Variants in TENM3 observed in about 807,000 individuals in gnomAD.
TENM3 encodes teneurin transmembrane protein 3.
A neutral mutation model predicts 255.1 loss-of-function variants in TENM3; 63 were observed. The observed-to-expected ratio is 0.25, with a 90% CI of 0.20 to 0.30. TENM3 has a LOEUF of 0.30. Ranked by LOEUF, TENM3 falls within the 10% of genes least tolerant of loss-of-function variation. TENM3 has a pLI of 1.00. For missense variants in TENM3, 2,929 were observed against 3,461.1 expected (o/e 0.85, Z 3.86); for synonymous variants, 1,306 against 1,322.3 (o/e 0.99, Z 0.27).
the TENM3 span, among the ~76,000 whole-genome samples, chr4:181,655,143 A>T: frequency 6.6e-6 from 1 of 152,226 alleles, no homozygotes; most frequent in South Asian, 2.1e-4. Flanking sequence ...AATCATCCAA[A>T]TAAGAGAAGG....
At chr4:182,522,180 T>C (rs1399792624) in intron 3 of TENM3, among the ~76,000 whole-genome samples, 1 of 152,232 alleles carries the variant, frequency 6.6e-6, no homozygotes, top group Admixed American at 6.5e-5. Context: ...TTTTTCTTTG[T>C]GTTGGGAACA....
the TENM3 span, among the ~76,000 whole-genome samples, chr4:182,042,643 T>C: frequency 6.6e-6 from 1 of 152,206 alleles, no homozygotes; most frequent in Admixed American, 6.5e-5. Flanking sequence ...AATACGAATA[T>C]GTAGGAATGT....
intron 1 of TENM3, among the ~76,000 whole-genome samples, chr4:182,277,948 C>T (rs549778915): frequency 6.6e-6 from 1 of 152,338 alleles, no homozygotes; most frequent in East Asian, 1.9e-4. Flanking sequence ...GTGGGACCCA[C>T]TCCCTACCGC....
chr4:182,736,945 T>A lies in TENM3; in HGVS notation c.3105T>A (p.His1035Gln). The change falls in exon 17 of 28, where the codon CAT becomes CAA. Residue 1035 changes from histidine (H) to glutamine (Q), a missense_variant. Physicochemically the swap from His to Gln is conservative, Grantham distance 24. Transcript: ENST00000511685. ...SIIPFNLMKV[H>Q]LMVAVVGRLF... ...TTCCATTTAATTTAATGAAGGTTCA[T>A]CTTATGGTAGCTGTAGTAGGAAGAC... The A allele has an allele frequency of 6.2e-7, 1 of 1,613,916 alleles. No homozygotes were observed. The highest frequency in any genetic ancestry group is 8.5e-7 in the Non-Finnish European group (1 of 1,179,844).
chr4:181,953,080 C>T, the TENM3 span, among the ~76,000 whole-genome samples: 1 of 152,200 alleles, frequency 6.6e-6, no homozygotes. Context: ...TATACAAGAA[C>T]ACTGAAGTGT....
intron 1 of TENM3, among the ~76,000 whole-genome samples, chr4:182,271,440 T>C (rs1274076595): frequency 1.3e-5 from 2 of 152,080 alleles, no homozygotes; most frequent in African/African-American, 4.8e-5. Flanking sequence ...CCTTCCACCA[T>C]GCATAGGTGG....
At chr4:181,936,265 T>C in the TENM3 span, among the ~76,000 whole-genome samples, 3 of 151,920 alleles carry the variant, frequency 2.0e-5, no homozygotes, top group Non-Finnish European at 2.9e-5. Context: ...CATGGTGGTG[T>C]GTGCCTGTCG....
At chr4:181,664,012 ATCAT>A in the TENM3 span, among the ~76,000 whole-genome samples, 165 of 152,246 alleles carry the variant, frequency 1.1e-3, no homozygotes, top group African/African-American at 3.8e-3. Flanking sequence ...ATTCTTCATG[ATCAT>A]TCAGGCAGGT....
At chr4:182,128,897 C>T in the TENM3 span, among the ~76,000 whole-genome samples, 1 of 151,902 alleles carries the variant, frequency 6.6e-6, no homozygotes, top group Non-Finnish European at 1.5e-5. Flanking sequence ...ACAACATTGA[C>T]AATTAACTTG....
the TENM3 span, among the ~76,000 whole-genome samples, chr4:182,000,271 A>G: frequency 2.0e-5 from 3 of 152,120 alleles, no homozygotes; most frequent in Admixed American, 1.3e-4. Context: ...GCAATCATTG[A>G]AATGATGAAA....
chr4:181,858,526 G>A, the TENM3 span, among the ~76,000 whole-genome samples: 1 of 152,178 alleles, frequency 6.6e-6, no homozygotes, highest in African/African-American at 2.4e-5. Flanking sequence ...AAAATGGTAG[G>A]AGACACAGAG....
At chr4:182,030,882 C>T in the TENM3 span, among the ~76,000 whole-genome samples, 12 of 152,056 alleles carry the variant, frequency 7.9e-5, no homozygotes, top group Admixed American at 2.6e-4. Flanking sequence ...TCATGTCCTT[C>T]GCCCACGTTT....
the TENM3 span, among the ~76,000 whole-genome samples, chr4:181,605,398 C>T: frequency 2.0e-5 from 3 of 149,870 alleles, no homozygotes; most frequent in East Asian, 2.0e-4. Context: ...GAGCTGAGAT[C>T]GCCCCACGAC....
In TENM3 at chr4:182,786,908, G is replaced by A. The variant is rs79117144; in HGVS notation, c.5305-2185G>A. Among the ~76,000 whole-genome samples, 1,027 of 152,182 alleles carry A rather than the reference G, an allele frequency of 6.7e-3. 19 individuals carry two copies. Among genetic ancestry groups the A allele is most frequent in the African/African-American group, 0.023 (965 of 41,484 alleles). On this transcript the variant is annotated intron_variant, in intron 24 of 27. Transcript: ENST00000511685. Reference sequence around the variant, plus strand: ...TTCCTTTCAAAACACAATCACAGGCGCTCAAGAGCCCTAAGAAAACCATTT... The same window carrying A: ...TTCCTTTCAAAACACAATCACAGGCACTCAAGAGCCCTAAGAAAACCATTT...
chr4:182,181,226 T>G lies in TENM3; in HGVS notation c.-76+36472T>G, dbSNP rs539581225. Reference sequence around the variant, plus strand: ...GACTGTTTCATTTCTCCCTTTGCTGTTCCCCCTGAACCTTGAACCTAACAA... The same window carrying G: ...GACTGTTTCATTTCTCCCTTTGCTGGTCCCCCTGAACCTTGAACCTAACAA... On this transcript the variant is annotated intron_variant, in intron 1 of 2. Coordinates refer to the TENM3 transcript ENST00000512480. 7.3e-4 allele frequency among the ~76,000 whole-genome samples: 111 copies of G among 152,306 alleles called. 5 individuals are homozygous for G. The South Asian group carries it at 0.022, about 31-fold the overall frequency.
chr4:182,213,862 C>G (rs551034807), intron 1 of TENM3, among the ~76,000 whole-genome samples: 1 of 152,032 alleles, frequency 6.6e-6, no homozygotes, highest in Admixed American at 6.5e-5. Flanking sequence ...AGTGCAGTGG[C>G]GCGATCTCGG....
chr4:181,545,403 G>A, the TENM3 span, among the ~76,000 whole-genome samples: 2 of 152,148 alleles, frequency 1.3e-5, no homozygotes, highest in Admixed American at 6.5e-5. Context: ...GGCACCTCAA[G>A]TTGGGGTTCC....
the TENM3 span, among the ~76,000 whole-genome samples, chr4:181,673,983 T>C: frequency 6.6e-6 from 1 of 152,024 alleles, no homozygotes; most frequent in Non-Finnish European, 1.5e-5. Context: ...CGAATTTCTT[T>C]TCTTTTCTTT....
At chr4:181,723,530 T>C in the TENM3 span, among the ~76,000 whole-genome samples, 2 of 152,136 alleles carry the variant, frequency 1.3e-5, no homozygotes, top group African/African-American at 4.8e-5. Context: ...TAGCTGGGTA[T>C]AGAACTCTAA....
Sources: allele counts gnomAD v4.1 joint callset (sites outside exome capture counted in the v4.1 genomes callset), GRCh38; gene constraint gnomAD v4.1.1; transcripts MANE v1.5; gene names NCBI Gene and HGNC (gene_info 2026-07-23, HGNC 2026-07-21).